ADAMTSL1: variants seen among roughly 807,000 people sequenced by gnomAD.
The protein encoded by ADAMTSL1 is ADAMTS-like protein 1.
ADAMTSL1 carries 126 observed loss-of-function variants against 201.8 expected under a neutral mutation model. The observed-to-expected ratio is 0.62, with a 90% confidence interval of 0.54 to 0.72. ADAMTSL1 has a LOEUF of 0.72. Among genes scored for constraint, ADAMTSL1 ranks in the 30% least tolerant of loss-of-function variants. The pLI, the probability that ADAMTSL1 is intolerant of heterozygous loss-of-function variation, is 0.00. For synonymous variants in ADAMTSL1, 1,121 were observed against 903.4 expected (o/e 1.24, Z -4.32); for missense variants, 2,679 against 2,277.8 (o/e 1.18, Z -3.59).
chr9:17,985,432 A>C (rs994939213), intron 1 of ADAMTSL1, among the ~76,000 whole-genome samples: 1 of 152,160 alleles, frequency 6.6e-6, no homozygotes, highest in African/African-American at 2.4e-5. Flanking sequence ...ATAAAATTTA[A>C]ATAGGCAGAT....
chr9:18,847,375 T>C (rs924426644), intron 23 of ADAMTSL1, among the ~76,000 whole-genome samples: 29 of 152,152 alleles, frequency 1.9e-4, no homozygotes, highest in Non-Finnish European at 7.3e-5. Flanking sequence ...TTCAGCACCA[T>C]TGAAGGCAGC....
At chr9:18,774,243 A>G (rs1015458259) in intron 17 of ADAMTSL1, among the ~76,000 whole-genome samples, 2 of 151,884 alleles carry the variant, frequency 1.3e-5, no homozygotes, top group East Asian at 3.9e-4. Context: ...CACCTCTTTC[A>G]TCATGTCACC....
chr9:18,580,909 T>G (rs1289226938), intron 4 of ADAMTSL1, among the ~76,000 whole-genome samples: 1 of 152,076 alleles, frequency 6.6e-6, no homozygotes, highest in Non-Finnish European at 1.5e-5. Context: ...GACCTCTTGC[T>G]AAAATACAGA....
At chr9:18,429,762 C>T (rs1193122535) in intron 2 of ADAMTSL1, among the ~76,000 whole-genome samples, 1 of 152,018 alleles carries the variant, frequency 6.6e-6, no homozygotes, top group East Asian at 1.9e-4. Flanking sequence ...TCTCTATTGA[C>T]ATGATAGTAA....
intron 1 of ADAMTSL1, among the ~76,000 whole-genome samples, chr9:17,934,614 A>G (rs1247638679): frequency 6.6e-6 from 1 of 152,080 alleles, no homozygotes; most frequent in Non-Finnish European, 1.5e-5. Flanking sequence ...CCTTGGATGA[A>G]TATTTTGTAG....
chr9:18,107,683 G>A (rs779751118), intron 1 of ADAMTSL1, among the ~76,000 whole-genome samples: 19 of 152,040 alleles, frequency 1.2e-4, no homozygotes, highest in Non-Finnish European at 2.4e-4. Flanking sequence ...TCTGAGCTTC[G>A]GAGCAGAAAG....
chr9:18,184,930 T>C (rs558739281), intron 2 of ADAMTSL1, among the ~76,000 whole-genome samples: 1 of 152,314 alleles, frequency 6.6e-6, no homozygotes, highest in African/African-American at 2.4e-5. Context: ...TTGGGTCTAT[T>C]GTTCTAACTT....
chr9:18,889,645 A>G lies in ADAMTSL1; in HGVS notation c.4540A>G (p.Arg1514Gly). The G allele has an allele frequency of 1.2e-6, 2 of 1,612,802 alleles. No individual in the cohort carries two copies. The highest frequency in any genetic ancestry group is 1.7e-6 in the Non-Finnish European group (2 of 1,179,426). ...GNRGVQQPRL[R>G]CLLNSTEVNP... The stretch of plus-strand genomic sequence containing the variant: ...CCGGGGGGTTCAGCAGCCCCGCTTG[A>G]GGTGCCTGCTGAACAGCACGGAGGT... The change falls in exon 25 of 29, where the codon AGG becomes GGG. Residue 1514 changes from arginine (R) to glycine (G), a missense_variant. Transcript: ENST00000380548.
chr9:18,657,597 C>T lies in ADAMTSL1; in HGVS notation c.835-42C>T, dbSNP rs546088260. 3 of 1,476,456 alleles carry T rather than the reference C, an allele frequency of 2.0e-6. No individual in the cohort carries two copies. The African/African-American group carries it at 4.2e-5, about 20-fold the overall frequency. The allele number at this position is 1,476,456 out of a possible 1,614,324, so 91.5% of individuals were successfully genotyped here. On this transcript the variant is annotated intron_variant, in intron 7 of 28. Coordinates refer to ENST00000380548, the MANE Select transcript of ADAMTSL1 (RefSeq NM_001040272.6). ...GAAGCTGCAAGGGACCAGAAAGCACCGCACTGTCACATTACTTCTACTTTC... is the reference window on the plus strand; with the variant it reads ...GAAGCTGCAAGGGACCAGAAAGCACTGCACTGTCACATTACTTCTACTTTC...
At chr9:18,150,764 A>G (rs534841222) in intron 1 of ADAMTSL1, among the ~76,000 whole-genome samples, 1 of 152,122 alleles carries the variant, frequency 6.6e-6, no homozygotes, top group Admixed American at 6.6e-5. Flanking sequence ...AGTGGATGGA[A>G]TTCAGAGTGC....
intron 3 of ADAMTSL1, among the ~76,000 whole-genome samples, chr9:18,539,948 G>T (rs866726356): frequency 3.9e-4 from 60 of 152,110 alleles, no homozygotes; most frequent in African/African-American, 1.3e-3. Context: ...AGACATTAAT[G>T]GTGCTGTAAA....
At chr9:18,454,396 C>G (rs1168724794) in intron 2 of ADAMTSL1, among the ~76,000 whole-genome samples, 1 of 152,108 alleles carries the variant, frequency 6.6e-6, no homozygotes, top group Non-Finnish European at 1.5e-5. Context: ...CAGATCTTCC[C>G]CACTCAGTCC....
chr9:18,107,784 A>G (rs950383989), intron 1 of ADAMTSL1, among the ~76,000 whole-genome samples: 14 of 152,176 alleles, frequency 9.2e-5, no homozygotes, highest in Non-Finnish European at 1.8e-4. Context: ...GCATGCCTGA[A>G]GACATTAACT....
chr9:18,648,796 C>G (rs1314350579), intron 7 of ADAMTSL1, among the ~76,000 whole-genome samples: 1 of 152,076 alleles, frequency 6.6e-6, no homozygotes, highest in East Asian at 1.9e-4. Context: ...GGTAACCCGA[C>G]CTTTCTCTCT....
intron 9 of ADAMTSL1, among the ~76,000 whole-genome samples, chr9:18,663,597 GGT>G (rs1170529359): frequency 6.6e-6 from 1 of 151,988 alleles, no homozygotes; most frequent in Non-Finnish European, 1.5e-5. Flanking sequence ...AATTCAGACA[GGT>G]CAAGTCAGCC....
chr9:17,945,961 T>TATA (rs1383012618), intron 1 of ADAMTSL1, among the ~76,000 whole-genome samples: 10 of 151,532 alleles, frequency 6.6e-5, no homozygotes, highest in African/African-American at 2.2e-4. Flanking sequence ...AAACTTAAAG[T>TATA]ATAATAATAA....
intron 2 of ADAMTSL1, among the ~76,000 whole-genome samples, chr9:18,437,020 C>G (rs1307261894): frequency 6.6e-6 from 1 of 151,702 alleles, no homozygotes; most frequent in Non-Finnish European, 1.5e-5. Flanking sequence ...GGTGGCTCAG[C>G]CTTGTTATCT....
chr9:18,845,066 G>T (rs1000967109), intron 23 of ADAMTSL1, among the ~76,000 whole-genome samples: 1 of 152,130 alleles, frequency 6.6e-6, no homozygotes, highest in Non-Finnish European at 1.5e-5. Flanking sequence ...CCACTGTCTG[G>T]CACTCCCTAG....
intron 20 of ADAMTSL1, among the ~76,000 whole-genome samples, chr9:18,807,652 A>G (rs910755977): frequency 6.9e-6 from 1 of 145,566 alleles, no homozygotes. Context: ...TCTCAAAAAA[A>G]AAAAAACAAA....
Sources: gnomAD v4.1 joint callset for allele counts (sites outside exome capture counted in the v4.1 genomes callset) on GRCh38, gnomAD v4.1.1 for gene constraint, MANE v1.5 for transcripts, NCBI Gene and HGNC (gene_info 2026-07-23, HGNC 2026-07-21) for gene names.